Variants in ALPK2 observed in about 807,000 individuals in gnomAD.
ALPK2 encodes alpha-protein kinase 2.
A neutral mutation model predicts 163.1 loss-of-function variants in ALPK2; 127 were observed. That is an observed-to-expected ratio of 0.78 (90% CI 0.67 to 0.90). The LOEUF is 0.90. Ranked by LOEUF, ALPK2 falls within the 40% of genes least tolerant of loss-of-function variation. The pLI is 0.00. For missense variants in ALPK2, 2,360 were observed against 2,589.6 expected, an observed-to-expected ratio of 0.91 and a Z score of 1.92; for synonymous variants, 953 against 959.1, an observed-to-expected ratio of 0.99 and a Z score of 0.12.
In ALPK2 at chr18:58,515,072, C is replaced by T; in HGVS notation, c.5950G>A (p.Val1984Ile). ...NYKLAAQECY[V>I]QNTARYYAKI... ...GCATAATACCTGGCAGTATTTTGAA[C>T]ATAGCATTCCTATATCGCCAAAATA... Residue 1984 changes from valine to isoleucine, a missense_variant, in exon 10 of 13, where the codon GTT (valine) becomes ATT (isoleucine). Coordinates refer to ENST00000361673, the MANE Select transcript of ALPK2 (RefSeq NM_052947.4). 1 of 1,611,302 alleles carries T rather than the reference C, an allele frequency of 6.2e-7. No homozygotes were observed. Among genetic ancestry groups the T allele is most frequent in the Non-Finnish European group, 8.5e-7 (1 of 1,178,406 alleles).
rs1419837700 is a variant in ALPK2, at chr18:58,580,271, T to C, written c.505A>G (p.Asn169Asp). 12 of 1,614,132 alleles carry C rather than the reference T, an allele frequency of 7.4e-6. No individual in the cohort carries two copies. The East Asian group carries it at 2.5e-4, about 33-fold the overall frequency. Reference sequence around the variant, plus strand: ...AATGACTGGAGGGAGAGTGAATGGTTGGATTTGGAGGGGGAGGAGTCAGCT... The same window carrying C: ...AATGACTGGAGGGAGAGTGAATGGTCGGATTTGGAGGGGGAGGAGTCAGCT... ...RSADSSPSKS[N>D]HSLSLQSLGN... The change falls in exon 4 of 13, where the codon AAC becomes GAC. Residue 169 changes from asparagine (N) to aspartate (D), a missense_variant. Coordinates refer to ENST00000361673, the MANE Select transcript of ALPK2 (RefSeq NM_052947.4).
At chr18:58,518,255 C>T (rs138291882) in intron 8 of ALPK2, among the ~76,000 whole-genome samples, 9 of 152,184 alleles carry the variant, frequency 5.9e-5, no homozygotes, top group African/African-American at 1.7e-4. Context: ...TAAAATCATA[C>T]GATTTGAGAC....
intron 1 of ALPK2, among the ~76,000 whole-genome samples, chr18:58,621,064 G>A (rs2144241634): frequency 6.6e-6 from 1 of 151,636 alleles, no homozygotes; most frequent in African/African-American, 2.4e-5. Flanking sequence ...GAGGCAGGAG[G>A]ATGGCTTGAG....
chr18:58,548,715 G>C (rs1028015976), intron 4 of ALPK2, among the ~76,000 whole-genome samples: 6 of 152,120 alleles, frequency 3.9e-5, no homozygotes, highest in African/African-American at 1.4e-4. Context: ...AAGACTGAGA[G>C]ACAGCTTCAT....
chr18:58,539,946 T>A (rs750848879), intron 4 of ALPK2, among the ~76,000 whole-genome samples: 1 of 152,226 alleles, frequency 6.6e-6, no homozygotes, highest in Admixed American at 6.5e-5. Flanking sequence ...TAACTCATAT[T>A]TGATGGGCAT....
At chr18:58,559,503 C>T (rs1048847818) in intron 4 of ALPK2, among the ~76,000 whole-genome samples, 1 of 152,210 alleles carries the variant, frequency 6.6e-6, no homozygotes, top group Non-Finnish European at 1.5e-5. Flanking sequence ...AGAAGACTTT[C>T]TCCTGGAGTC....
At chr18:58,554,797 C>A (rs2051780936) in intron 4 of ALPK2, among the ~76,000 whole-genome samples, 1 of 152,154 alleles carries the variant, frequency 6.6e-6, no homozygotes, top group African/African-American at 2.4e-5. Context: ...CAAATCTTAT[C>A]TTGAATTGTA....
intron 4 of ALPK2, among the ~76,000 whole-genome samples, chr18:58,547,798 C>T (rs940399831): frequency 1.3e-5 from 2 of 152,160 alleles, no homozygotes; most frequent in Admixed American, 1.3e-4. Context: ...AGAATGAATC[C>T]CTGCTGTATG....
chr18:58,554,995 C>T (rs1026791801), intron 4 of ALPK2, among the ~76,000 whole-genome samples: 9 of 152,330 alleles, frequency 5.9e-5, no homozygotes, highest in Middle Eastern at 3.4e-3. Context: ...GCTCCTCCTT[C>T]GCCTTCTGCC....
Position 58,537,937 on chromosome 18 carries a change from A to G in ALPK2, c.2250T>C (p.Thr750=), listed in dbSNP as rs754304629. ...EQSISEANDE[T]MSPGVFSRHL... ...GCCTTGAGAACACACCTGGGGACAT[A>G]GTCTCATCATTGGCTTCTGAGATGC... Residue 750 remains threonine, a synonymous_variant, in exon 5 of 13, where the codon ACT becomes ACC. Transcript: ENST00000361673. 6 of 1,614,100 alleles carry G rather than the reference A, an allele frequency of 3.7e-6. No homozygotes were observed. The African/African-American group carries it at 6.7e-5, about 18-fold the overall frequency.
chr18:58,612,053 C>A (rs1448046364), intron 1 of ALPK2, among the ~76,000 whole-genome samples: 4 of 152,146 alleles, frequency 2.6e-5, no homozygotes, highest in Non-Finnish European at 5.9e-5. Context: ...GCATGCCTGG[C>A]CTCTACCCAC....
At chr18:58,534,726 C>G in intron 5 of ALPK2, 108 bp downstream of exon 5, 2 of 1,413,262 alleles carry the variant, frequency 1.4e-6, no homozygotes, top group Admixed American at 2.3e-5. Context: ...TCAATGCCCA[C>G]CTGGGGGACA....
chr18:58,617,274 C>T (rs2052175023), intron 1 of ALPK2, among the ~76,000 whole-genome samples: 1 of 152,216 alleles, frequency 6.6e-6, no homozygotes. Flanking sequence ...GCATCCTCCA[C>T]CTCCCGGGTT....
chr18:58,497,186 C>T (rs952849039), intron 12 of ALPK2, among the ~76,000 whole-genome samples: 1 of 152,230 alleles, frequency 6.6e-6, no homozygotes, highest in African/African-American at 2.4e-5. Context: ...TGGCAACTAT[C>T]TCCTGATCTG....
chr18:58,517,047 A>G lies in ALPK2; in HGVS notation c.5801T>C (p.Phe1934Ser), dbSNP rs748143041. 3 of 1,614,104 alleles carry G rather than the reference A, an allele frequency of 1.9e-6. No homozygotes were observed. Among genetic ancestry groups the G allele is most frequent in the South Asian group, 2.2e-5 (2 of 91,084 alleles). ...HFGEGVHRKA[F>S]RSTVMHGLMP... Reference sequence around the variant, plus strand: ...GAGGCCGTGCATCACTGTGCTGCGGAAGGCTTTGCGGTGAACCCCTTCTCC... The same window carrying G: ...GAGGCCGTGCATCACTGTGCTGCGGGAGGCTTTGCGGTGAACCCCTTCTCC... The change falls in exon 9 of 13, where the codon TTC becomes TCC. Residue 1934 changes from phenylalanine (F) to serine (S), a missense_variant. Phe to Ser is a radical substitution (Grantham distance 155). Coordinates refer to ENST00000361673, the MANE Select transcript of ALPK2 (RefSeq NM_052947.4).
At chr18:58,567,626 C>G (rs191687991) in intron 4 of ALPK2, among the ~76,000 whole-genome samples, 323 of 152,228 alleles carry the variant, frequency 2.1e-3, no homozygotes, top group Admixed American at 0.011. Flanking sequence ...GATCGGTCTA[C>G]AAGAGAATGA....
chr18:58,486,272 G>T (rs932759581), intron 12 of ALPK2, among the ~76,000 whole-genome samples: 4 of 152,174 alleles, frequency 2.6e-5, no homozygotes, highest in African/African-American at 7.2e-5. Context: ...GAGAGCAAAG[G>T]CATCTCTGCA....
chr18:58,626,945 T>C (rs2144247429), intron 1 of ALPK2, among the ~76,000 whole-genome samples: 1 of 152,200 alleles, frequency 6.6e-6, no homozygotes, highest in African/African-American at 2.4e-5. Context: ...TGAGAAACTA[T>C]GATTCGACAC....
At position 58,536,728 on chromosome 18, in the gene ALPK2, G is replaced by A. The variant is rs1330587755; in HGVS notation, c.3459C>T (p.Phe1153=). 1.9e-6 allele frequency: 3 copies of A among 1,614,166 alleles called. No individual in the cohort carries two copies. Among genetic ancestry groups the A allele is most frequent in the Non-Finnish European group, 2.5e-6 (3 of 1,180,026 alleles). ...SQQGSLSAPD[F]QQSLPTTSAA... Reference sequence around the variant, plus strand: ...CAGATGTCGTAGGCAAACTTTGTTGGAAATCAGGTGCAGAAAGAGAACCCT... The same window carrying A: ...CAGATGTCGTAGGCAAACTTTGTTGAAAATCAGGTGCAGAAAGAGAACCCT... The change falls in exon 5 of 13, where the codon TTC becomes TTT. Residue 1153 remains phenylalanine, a synonymous_variant. Transcript: ENST00000361673.
Sources: gnomAD v4.1 joint callset for allele counts (sites outside exome capture counted in the v4.1 genomes callset) on GRCh38, gnomAD v4.1.1 for gene constraint, MANE v1.5 for transcripts, NCBI Gene and HGNC (gene_info 2026-07-23, HGNC 2026-07-21) for gene names.